The following EPHA6 variants were observed in gnomAD, a reference collection of about 807,000 sequenced individuals.
EPHA6 encodes ephrin type-A receptor 6.
A neutral mutation model predicts 112.0 loss-of-function variants in EPHA6; 50 were observed. That is an observed-to-expected ratio of 0.45 (90% CI 0.36 to 0.56). The LOEUF is 0.56. EPHA6 is among the 20% of genes least tolerant of loss of function. The probability of loss-of-function intolerance (pLI) is 0.00; values close to 1 mark genes in which losing one functional copy is unlikely to be tolerated. For missense variants in EPHA6, 1,280 were observed against 1,417.4 expected (o/e 0.90, Z 1.56); for synonymous variants, 529 against 490.7 (o/e 1.08, Z -1.03).
intron 5 of EPHA6, among the ~76,000 whole-genome samples, chr3:97,296,447 C>T (rs55835778): frequency 0.025 from 3,804 of 152,154 alleles, 164 homozygotes; most frequent in African/African-American, 0.08. Flanking sequence ...TCCTCATTCC[C>T]CTTGAAGAAT....
chr3:97,056,707 T>C (rs1316089276), intron 3 of EPHA6, among the ~76,000 whole-genome samples: 1 of 152,184 alleles, frequency 6.6e-6, no homozygotes, highest in East Asian at 1.9e-4. Context: ...TGTTTTAACA[T>C]AGTGGTTGAG....
chr3:96,842,458 G>A (rs1271387903), intron 1 of EPHA6, among the ~76,000 whole-genome samples: 10 of 151,988 alleles, frequency 6.6e-5, no homozygotes, highest in Admixed American at 5.9e-4. Context: ...GATTATATCC[G>A]AGAGGTTAGG....
chr3:97,215,944 A>C (rs186310774), intron 3 of EPHA6, among the ~76,000 whole-genome samples: 244 of 152,302 alleles, frequency 1.6e-3, no homozygotes, highest in Non-Finnish European at 2.4e-3. Context: ...TGCCTTTTTG[A>C]CAATTCACTA....
At chr3:97,187,606 A>AAAGAAAGAAAAAGAAAGAAAGGG (rs1559784213) in intron 3 of EPHA6, among the ~76,000 whole-genome samples, 2 of 148,684 alleles carry the variant, frequency 1.3e-5, no homozygotes, top group African/African-American at 4.9e-5. Context: ...AAGAAAAGAG[A>AAAGAAAGAAAAAGAAAGAAAGGG]AAGAAAGAAA....
At chr3:97,436,694 T>C (rs2107258042) in intron 6 of EPHA6, among the ~76,000 whole-genome samples, 1 of 152,302 alleles carries the variant, frequency 6.6e-6, no homozygotes, top group South Asian at 2.1e-4. Context: ...AATTTCACTC[T>C]AGTGAAAATT....
At chr3:97,688,457 C>T (rs894101150) in intron 14 of EPHA6, among the ~76,000 whole-genome samples, 14 of 151,518 alleles carry the variant, frequency 9.2e-5, no homozygotes, top group African/African-American at 3.4e-4. Context: ...TAGAAGCCAT[C>T]ATTCTAAGCA....
At chr3:97,250,278 C>T (rs1369469298) in intron 5 of EPHA6, among the ~76,000 whole-genome samples, 2 of 152,322 alleles carry the variant, frequency 1.3e-5, no homozygotes, top group Non-Finnish European at 2.9e-5. Flanking sequence ...TTAATCAACA[C>T]TAAACCATCC....
At chr3:97,067,794 A>C (rs2046224884) in intron 3 of EPHA6, among the ~76,000 whole-genome samples, 1 of 152,004 alleles carries the variant, frequency 6.6e-6, no homozygotes, top group South Asian at 2.1e-4. Flanking sequence ...GGAAGAAGGC[A>C]GGCTGATTAC....
Position 97,738,483 on chromosome 3 carries a change from CCT to C in EPHA6, c.3128+2370_3128+2371del, listed in dbSNP as rs1381104812. Reference sequence around the variant, plus strand: ...TGAAGAAAAGCAGATAAAACAATTTCCTCTCTGCTTTTTCAAGATTATGAATG... The same window carrying C: ...TGAAGAAAAGCAGATAAAACAATTTCCTCTGCTTTTTCAAGATTATGAATG... On this transcript the variant is annotated intron_variant, in intron 16 of 17. Transcript: ENST00000389672. Among the ~76,000 whole-genome samples the C allele has an allele frequency of 2.0e-5, 3 of 152,102 alleles. No homozygotes were observed. In the East Asian group the frequency reaches 5.8e-4, roughly 30 times the overall value.
In EPHA6 at chr3:97,468,454, G is replaced by T. The variant is rs1292601884; in HGVS notation, c.1895-6898G>T. On this transcript the variant is annotated intron_variant, in intron 7 of 17. Transcript: ENST00000389672. The stretch of plus-strand genomic sequence containing the variant: ...CATTATTTTCTATTAATTTATTTCT[G>T]AATAAATTATTATTTCTAATCTTAT... 2.0e-5 allele frequency among the ~76,000 whole-genome samples: 3 copies of T among 147,724 alleles called. No individual in the cohort carries two copies. The Admixed American group carries it at 2.1e-4, about 10-fold the overall frequency.
Position 96,987,790 on chromosome 3 carries a change from C to G in EPHA6, c.911C>G (p.Thr304Ser). ...GTTTTCTACAAGAAATGCCCCTTCA[C>G]TGTTCGTAACTTGGCCATGTTTCCT... The part of the protein sequence containing the change: ...VRVFYKKCPF[T>S]VRNLAMFPDT... The change falls in exon 3 of 18, where the codon ACT (threonine) becomes AGT (serine). Residue 304 changes from threonine to serine, a missense_variant. By Grantham distance (58) the Thr-to-Ser change is moderately conservative. Around this residue, in one of 4 missense-constraint regions of EPHA6, gnomAD observed 878 missense variants for 999.7 expected, o/e 0.88. Coordinates refer to ENST00000389672, the MANE Select transcript of EPHA6 (RefSeq NM_001080448.3). 3 of 1,614,022 alleles carry G rather than the reference C, an allele frequency of 1.9e-6. No individual in the cohort carries two copies. Among genetic ancestry groups the G allele is most frequent in the Non-Finnish European group, 2.5e-6 (3 of 1,179,914 alleles).
At chr3:97,266,889 C>T (rs376469939) in intron 5 of EPHA6, among the ~76,000 whole-genome samples, 14 of 151,880 alleles carry the variant, frequency 9.2e-5, no homozygotes, top group Middle Eastern at 3.4e-3. Flanking sequence ...AGATGATTTG[C>T]GTTTAGATAA....
At chr3:97,125,496 G>C (rs943545954) in intron 3 of EPHA6, among the ~76,000 whole-genome samples, 5 of 151,992 alleles carry the variant, frequency 3.3e-5, no homozygotes, top group African/African-American at 1.2e-4. Flanking sequence ...TTTTTCCCTT[G>C]AATGCAAGAA....
chr3:96,924,105 T>G (rs2107637217), intron 2 of EPHA6, among the ~76,000 whole-genome samples: 1 of 152,306 alleles, frequency 6.6e-6, no homozygotes, highest in African/African-American at 2.4e-5. Context: ...TCTTTTTCCT[T>G]GGGATTGTTT....
intron 3 of EPHA6, among the ~76,000 whole-genome samples, chr3:97,179,577 G>T (rs558674674): frequency 6.6e-6 from 1 of 152,078 alleles, no homozygotes; most frequent in Non-Finnish European, 1.5e-5. Flanking sequence ...CTTTAGTGGG[G>T]ACCTCAGGCC....
At chr3:97,685,453 A>G (rs2032179722) in intron 14 of EPHA6, among the ~76,000 whole-genome samples, 1 of 152,190 alleles carries the variant, frequency 6.6e-6, no homozygotes, top group Admixed American at 6.6e-5. Flanking sequence ...CTTAGTCACT[A>G]TATTTGTAAA....
rs148081866 is a variant in EPHA6, at chr3:96,907,318, A to T, written c.450+40429A>T. Among the ~76,000 whole-genome samples the T allele has an allele frequency of 5.1e-3, 772 of 151,894 alleles. 8 individuals are homozygous for T. Among genetic ancestry groups the T allele is most frequent in the African/African-American group, 0.018 (732 of 41,524 alleles). On this transcript the variant is annotated intron_variant, in intron 2 of 17. Coordinates refer to ENST00000389672, the MANE Select transcript of EPHA6 (RefSeq NM_001080448.3). ...GGGGCTGTTAAAGGTGTCATTTATT[A>T]TATACCCCACTGAAAAGAATGTTCA...
At chr3:96,973,583 A>T (rs2042397954) in intron 2 of EPHA6, among the ~76,000 whole-genome samples, 1 of 151,858 alleles carries the variant, frequency 6.6e-6, no homozygotes, top group African/African-American at 2.4e-5. Flanking sequence ...GCACTTTGGG[A>T]GGCTGAGGGG....
At chr3:97,171,661 A>G (rs1268656527) in intron 3 of EPHA6, among the ~76,000 whole-genome samples, 2 of 152,148 alleles carry the variant, frequency 1.3e-5, no homozygotes, top group Non-Finnish European at 2.9e-5. Flanking sequence ...ATAGCAAACT[A>G]GAGGATGAAC....
Sources: gnomAD v4.1 joint callset for allele counts (sites outside exome capture counted in the v4.1 genomes callset) on GRCh38, gnomAD v4.1.1 for gene constraint, gnomAD v4.1.1 regional missense constraint, MANE v1.5 for transcripts, NCBI Gene and HGNC (gene_info 2026-07-23, HGNC 2026-07-21) for gene names.